The following TRIM51 variants were observed in gnomAD, a reference collection of about 807,000 sequenced individuals.
TRIM51 encodes tripartite motif-containing 51, also known as tripartite motif-containing protein 51.
A neutral mutation model predicts 32.7 loss-of-function variants in TRIM51; 23 were observed. The observed-to-expected ratio is 0.70, with a 90% CI of 0.51 to 1.00. The LOEUF is 1.00. Ranked by LOEUF, TRIM51 falls within the 50% of genes least tolerant of loss-of-function variation. The pLI is 0.00. For synonymous variants in TRIM51, 177 were observed against 181.9 expected (o/e 0.97, Z 0.22); for missense variants, 592 against 539.2 (o/e 1.10, Z -0.97).
intron 5 of TRIM51, among the ~76,000 whole-genome samples, chr11:55,889,269 A>G (rs1854618217): frequency 6.6e-6 from 1 of 152,140 alleles, no homozygotes; most frequent in Non-Finnish European, 1.5e-5. Context: ...AAATAAAGGA[A>G]GTGAGCATCT....
In TRIM51 at chr11:55,891,660, A is replaced by G. The variant is rs1262525425; in HGVS notation, c.*28A>G. On this transcript the variant is annotated 3_prime_UTR_variant, in exon 7 of 7. Coordinates refer to ENST00000449290, the MANE Select transcript of TRIM51 (RefSeq NM_032681.4). ...AGAGAAAAGTCAGAAATGTGCCTGTATGCTCTGGGAACCTGTTTATCCCAG... is the reference window on the plus strand; with the variant it reads ...AGAGAAAAGTCAGAAATGTGCCTGTGTGCTCTGGGAACCTGTTTATCCCAG... 5 of 1,611,084 alleles carry G rather than the reference A, an allele frequency of 3.1e-6. No individual in the cohort carries two copies. The highest frequency in any genetic ancestry group is 4.2e-6 in the Non-Finnish European group (5 of 1,179,172).
chr11:55,884,195 A>C (rs1313999358), intron 1 of TRIM51, among the ~76,000 whole-genome samples: 3 of 140,140 alleles, frequency 2.1e-5, no homozygotes, highest in African/African-American at 7.9e-5. Flanking sequence ...ACATACCAAA[A>C]ATACTTACAA....
At position 55,886,137 on chromosome 11, in the gene TRIM51, A is replaced by G. The variant is rs764757214; in HGVS notation, c.426A>G (p.Lys142=). The part of the protein sequence containing the change: ...AAEERREELL[K]KMQSLWEKAC... ...CTGTTTTGCAGGAGGAGCTCCTAAAAAAAATGCAGTCTTTATGGGAAAAAG... is the reference window on the plus strand; with the variant it reads ...CTGTTTTGCAGGAGGAGCTCCTAAAGAAAATGCAGTCTTTATGGGAAAAAG... Residue 142 remains lysine (K), a synonymous_variant, in exon 3 of 7, where the codon AAA becomes AAG. Transcript: ENST00000449290. The G allele has an allele frequency of 9.3e-6, 15 of 1,613,192 alleles. 1 individual carries two copies. The South Asian group carries it at 1.3e-4, about 14-fold the overall frequency.
chr11:55,888,889 T>G, intron 4 of TRIM51, 90 bp from the exon 5 acceptor site: 1 of 1,205,788 alleles, frequency 8.3e-7, no homozygotes, highest in Admixed American at 1.7e-5. Context: ...AATAGTATCT[T>G]CAGAAACTGT....
At chr11:55,888,592 C>T (rs1854607939) in intron 4 of TRIM51, among the ~76,000 whole-genome samples, 1 of 152,122 alleles carries the variant, frequency 6.6e-6, no homozygotes, top group Non-Finnish European at 1.5e-5. Context: ...GGCATTTAGG[C>T]TAATTTGGAG....
Position 55,885,749 on chromosome 11 carries a change from C to A in TRIM51, c.321C>A (p.Asp107Glu). 3 of 1,611,732 alleles carry A rather than the reference C, an allele frequency of 1.9e-6. No individual in the cohort carries two copies. Among genetic ancestry groups the A allele is most frequent in the Non-Finnish European group, 2.5e-6 (3 of 1,179,706 alleles). Residue 107 changes from aspartate (D) to glutamate (E), a missense_variant, in exon 2 of 7, where the codon GAC becomes GAA. Coordinates refer to ENST00000449290, the MANE Select transcript of TRIM51 (RefSeq NM_032681.4). ...CAAAGAAGATGTTCTGTGAAGTGGACAAGAGCCTGCTCTGTTTGCCGTGCT... is the reference window on the plus strand; with the variant it reads ...CAAAGAAGATGTTCTGTGAAGTGGAAAAGAGCCTGCTCTGTTTGCCGTGCT... ...RETKKMFCEV[D>E]KSLLCLPCSN...
chr11:55,886,657 C>T (rs1466206726), intron 3 of TRIM51, among the ~76,000 whole-genome samples: 1 of 152,144 alleles, frequency 6.6e-6, no homozygotes, highest in Non-Finnish European at 1.5e-5. Flanking sequence ...GGAGCAAGAG[C>T]ACAACCTTAG....
rs998999963 is a variant in TRIM51, at chr11:55,890,728, G to A, written c.860-405G>A. Among the ~76,000 whole-genome samples, 7 of 152,158 alleles carry A rather than the reference G, an allele frequency of 4.6e-5. No homozygotes were observed. The East Asian group carries it at 5.8e-4, about 13-fold the overall frequency. On this transcript the variant is annotated intron_variant, in intron 6 of 6. Coordinates refer to ENST00000449290, the MANE Select transcript of TRIM51 (RefSeq NM_032681.4). ...GGACTTTTATCCAGTTATCTAGAGC[G>A]GTGCTTGAGTAAGCTAAAATCTTCC...
chr11:55,888,540 T>C (rs542258887), intron 4 of TRIM51, among the ~76,000 whole-genome samples: 2 of 152,272 alleles, frequency 1.3e-5, no homozygotes, highest in African/African-American at 4.8e-5. Context: ...CACTGATTAA[T>C]TTAGGATTTT....
intron 5 of TRIM51, among the ~76,000 whole-genome samples, chr11:55,889,260 A>C (rs1854618159): frequency 6.6e-6 from 1 of 152,118 alleles, no homozygotes; most frequent in Non-Finnish European, 1.5e-5. Context: ...ACGAAAGAAA[A>C]ATAAAGGAAG....
In TRIM51 at chr11:55,889,960, G is replaced by GC. The variant is rs763148164; in HGVS notation, c.781dup (p.Gln261ProfsTer4). 6 of 1,613,110 alleles carry GC rather than the reference G, an allele frequency of 3.7e-6. No homozygotes were observed. In the Admixed American group the frequency reaches 1.0e-4, roughly 27 times the overall value. ...CTTGCAGGTATGAGTCTCTGCTGCT[G>GC]CAAGTGTCTGAGCCTGTGAATCCAG... On this transcript the variant is annotated frameshift_variant, in exon 6 of 7. Coordinates refer to ENST00000449290, the MANE Select transcript of TRIM51 (RefSeq NM_032681.4). LOFTEE classifies it high-confidence loss of function.
At chr11:55,887,546 T>C (rs1854592332) in intron 3 of TRIM51, among the ~76,000 whole-genome samples, 1 of 152,052 alleles carries the variant, frequency 6.6e-6, no homozygotes, top group South Asian at 2.1e-4. Context: ...ATGTTGCCGA[T>C]TAGGGTGAGT....
At position 55,891,270 on chromosome 11, in the gene TRIM51, G is replaced by A. The variant is rs757041286; in HGVS notation, c.997G>A (p.Ala333Thr). ...GKSECFLVWGAQAFTSGKYYW... is the reference protein window; with the variant it reads ...GKSECFLVWGTQAFTSGKYYW... Reference sequence around the variant, plus strand: ...ATCTGAATGTTTTCTTGTATGGGGGGCTCAGGCTTTCACATCTGGCAAATA... The same window carrying A: ...ATCTGAATGTTTTCTTGTATGGGGGACTCAGGCTTTCACATCTGGCAAATA... Residue 333 changes from alanine (A) to threonine (T), a missense_variant, in exon 7 of 7, where the codon GCT becomes ACT. Physicochemically the swap from Ala to Thr is moderately conservative, Grantham distance 58. Coordinates refer to ENST00000449290, the MANE Select transcript of TRIM51 (RefSeq NM_032681.4). 3.0e-5 allele frequency: 48 copies of A among 1,609,430 alleles called. 2 individuals carry two copies. The East Asian group carries it at 9.6e-4, about 32-fold the overall frequency.
At chr11:55,885,071 A>T (rs148229630) in intron 1 of TRIM51, among the ~76,000 whole-genome samples, 1 of 152,184 alleles carries the variant, frequency 6.6e-6, no homozygotes, top group East Asian at 1.9e-4. Flanking sequence ...ATAGTCATTC[A>T]GTTGTTATTT....
At chr11:55,885,110 A>T (rs1854558527) in intron 1 of TRIM51, among the ~76,000 whole-genome samples, 1 of 152,152 alleles carries the variant, frequency 6.6e-6, no homozygotes, top group Non-Finnish European at 1.5e-5. Flanking sequence ...AGCATGTTTC[A>T]TTCTAGACCA....
In TRIM51 at chr11:55,883,318, T is replaced by C. The variant is rs560010188; in HGVS notation, c.-71T>C. The C allele has an allele frequency of 2.0e-5, 3 of 152,272 alleles. No homozygotes were observed. Among genetic ancestry groups the C allele is most frequent in the African/African-American group, 7.2e-5 (3 of 41,554 alleles). The allele number at this position is 152,272 out of a possible 1,614,324, so 9.4% of individuals were successfully genotyped here. On this transcript the variant is annotated 5_prime_UTR_variant, in exon 1 of 7. Coordinates refer to ENST00000449290, the MANE Select transcript of TRIM51 (RefSeq NM_032681.4). ...CTCTGCAGGGAATGAGCTCCTGATC[T>C]TGGGGAGTACTTAAAAGAATTTTTT...
intron 2 of TRIM51, 33 bp downstream of exon 2, chr11:55,885,872 C>T: frequency 6.2e-7 from 1 of 1,611,336 alleles, no homozygotes; most frequent in Non-Finnish European, 8.5e-7. Context: ...TATTTCTATA[C>T]AGGACACATG....
chr11:55,887,670 A>T (rs992071251), intron 3 of TRIM51, among the ~76,000 whole-genome samples: 1 of 152,088 alleles, frequency 6.6e-6, no homozygotes, highest in Non-Finnish European at 1.5e-5. Flanking sequence ...GTTTTACATA[A>T]CTTGCCCCAG....
chr11:55,884,337 C>G (rs866342917), intron 1 of TRIM51, among the ~76,000 whole-genome samples: 1 of 151,134 alleles, frequency 6.6e-6, no homozygotes, highest in African/African-American at 2.4e-5. Context: ...CTGTCTAACG[C>G]GTCCCTCAGA....
Sources: gnomAD v4.1 joint callset for allele counts (sites outside exome capture counted in the v4.1 genomes callset) on GRCh38, gnomAD v4.1.1 for gene constraint, MANE v1.5 for transcripts, NCBI Gene and HGNC (gene_info 2026-07-23, HGNC 2026-07-21) for gene names.